Variants in AADAT observed in about 807,000 individuals in gnomAD.
AADAT encodes the protein aminoadipate aminotransferase.
Under a neutral mutation model 56.2 loss-of-function variants are expected in AADAT, and 25 were observed. The observed-to-expected ratio is 0.44, with a 90% CI of 0.32 to 0.62. AADAT has a LOEUF of 0.62. AADAT is among the 20% of genes least tolerant of loss of function. The pLI, the probability that AADAT is intolerant of heterozygous loss-of-function variation, is 0.04. For missense variants in AADAT, 387 were observed against 510.5 expected, an observed-to-expected ratio of 0.76 and a Z score of 2.33; for synonymous variants, 173 against 164.7, an observed-to-expected ratio of 1.05 and a Z score of -0.39.
chr4:170,061,304 A>G (rs886575308), intron 12 of AADAT, among the ~76,000 whole-genome samples: 4 of 152,208 alleles, frequency 2.6e-5, no homozygotes, highest in African/African-American at 9.7e-5. Context: ...CAACTCCACT[A>G]ATACATTAAA....
intron 8 of AADAT, among the ~76,000 whole-genome samples, chr4:170,067,680 C>T (rs1006320107): frequency 6.6e-6 from 1 of 152,068 alleles, no homozygotes; most frequent in Non-Finnish European, 1.5e-5. Context: ...TAATGAGGCA[C>T]AAGGGTTAAG....
At chr4:170,072,527 G>C (rs1731825987) in intron 5 of AADAT, among the ~76,000 whole-genome samples, 1 of 152,144 alleles carries the variant, frequency 6.6e-6, no homozygotes, top group African/African-American at 2.4e-5. Flanking sequence ...AAATTCTATA[G>C]AGTTTAACAT....
At chr4:170,092,156 G>C (rs894585887), upstream of AADAT, among the ~76,000 whole-genome samples, 1 of 152,246 alleles carries the variant, frequency 6.6e-6, no homozygotes, top group Admixed American at 6.5e-5. Flanking sequence ...GGCTGCCTCA[G>C]CCACCAGCGG....
At chr4:170,091,854 A>C (rs756066291), upstream of AADAT, among the ~76,000 whole-genome samples, 12 of 152,244 alleles carry the variant, frequency 7.9e-5, no homozygotes, top group Non-Finnish European at 1.6e-4. Flanking sequence ...TGTCTAGCTA[A>C]GGGATTGTGA....
At chr4:170,089,986 C>T, upstream of AADAT, 1 of 197,998 alleles carries the variant, frequency 5.1e-6, no homozygotes. Flanking sequence ...CCGGTTTTGC[C>T]CCGCCGCGGG....
At chr4:170,067,890 C>A (rs976166083) in intron 8 of AADAT, among the ~76,000 whole-genome samples, 2 of 152,142 alleles carry the variant, frequency 1.3e-5, no homozygotes, top group Admixed American at 6.5e-5. Flanking sequence ...GTAATCCCAG[C>A]ACTTTGGGAG....
chr4:170,069,355 T>A, intron 6 of AADAT, 125 bp from the exon 7 acceptor site: 1 of 666,702 alleles, frequency 1.5e-6, no homozygotes, highest in Non-Finnish European at 2.5e-6. Flanking sequence ...TTCTCTTACC[T>A]TTATTTCAAC....
intron 3 of AADAT, 67 bp downstream of exon 3, chr4:170,087,049 G>A: frequency 1.3e-6 from 2 of 1,571,350 alleles, no homozygotes; most frequent in Admixed American, 1.8e-5. Flanking sequence ...GTGGTTAAGT[G>A]CGAGAGGACT....
upstream of AADAT, among the ~76,000 whole-genome samples, chr4:170,092,040 C>T (rs910342584): frequency 6.6e-6 from 1 of 152,190 alleles, no homozygotes; most frequent in Admixed American, 6.5e-5. Flanking sequence ...CCAATCAGCA[C>T]CCTGTCAAAA....
chr4:170,090,968 T>G (rs539578956), upstream of AADAT, among the ~76,000 whole-genome samples: 316 of 152,364 alleles, frequency 2.1e-3, 1 homozygote, highest in African/African-American at 5.7e-3. Flanking sequence ...GCCACTGCTT[T>G]TATCTAGGTC....
intron 10 of AADAT, 64 bp downstream of exon 10, chr4:170,066,350 T>C (rs1561011810): frequency 7.5e-7 from 1 of 1,334,286 alleles, no homozygotes; most frequent in East Asian, 2.3e-5. Context: ...TAATATTCAG[T>C]GTTTATCCCC....
Position 170,070,614 on chromosome 4 carries a change from A to T in AADAT, c.693T>A (p.Asp231Glu). Residue 231 changes from aspartate to glutamate, a missense_variant, in exon 6 of 13, where the codon GAT becomes GAA. By Grantham distance (45) the Asp-to-Glu change is conservative. Coordinates refer to ENST00000337664, the MANE Select transcript of AADAT (RefSeq NM_016228.4). ...TGTTAAACTGGAGAAAATAGTAAGG[A>T]TCATCTTCTATTATGAGGAAATCAT... ...RKYDFLIIED[D>E]PYYFLQFNKF... The T allele has an allele frequency of 6.3e-7, 1 of 1,582,206 alleles. No homozygotes were observed. The highest frequency in any genetic ancestry group is 8.6e-7 in the Non-Finnish European group (1 of 1,156,128).
chr4:170,072,415 G>A (rs1335166858), intron 5 of AADAT, among the ~76,000 whole-genome samples: 6 of 152,032 alleles, frequency 3.9e-5, no homozygotes, highest in East Asian at 3.8e-4. Context: ...GATTACAGGC[G>A]TGAGCCACTG....
intron 4 of AADAT, among the ~76,000 whole-genome samples, chr4:170,075,923 T>A (rs114192523): frequency 0.013 from 2,032 of 152,346 alleles, 13 homozygotes; most frequent in Middle Eastern, 0.034. Flanking sequence ...ATCAGATCTG[T>A]GTTCCTTCTT....
At chr4:170,089,566 T>C (rs774030716) in intron 1 of AADAT, 58 bp downstream of exon 1, 2 of 1,604,568 alleles carry the variant, frequency 1.2e-6, no homozygotes, top group Admixed American at 3.3e-5. Flanking sequence ...GAACCCTCCT[T>C]AGAGGCTGTG....
At chr4:170,092,505 A>C (rs139881439), upstream of AADAT, among the ~76,000 whole-genome samples, 1 of 152,294 alleles carries the variant, frequency 6.6e-6, no homozygotes, top group African/African-American at 2.4e-5. Flanking sequence ...GACTTTAAGA[A>C]CTGTTAACAC....
intron 1 of AADAT, chr4:170,089,343 G>GC: frequency 1.7e-6 from 1 of 575,246 alleles, no homozygotes; most frequent in Non-Finnish European, 3.1e-6. Context: ...TTGATAGCAC[G>GC]CCCCCTCCCT....
At chr4:170,071,997 G>A (rs939013560) in intron 5 of AADAT, among the ~76,000 whole-genome samples, 9 of 152,128 alleles carry the variant, frequency 5.9e-5, no homozygotes, top group Admixed American at 5.2e-4. Flanking sequence ...TGTTAAGTGT[G>A]AAATGATTTT....
chr4:170,062,584 AC>A (rs1188192146), intron 11 of AADAT, among the ~76,000 whole-genome samples: 1 of 152,202 alleles, frequency 6.6e-6, no homozygotes, highest in Non-Finnish European at 1.5e-5. Context: ...GGTGGTCGGA[AC>A]AGCTGCTGTT....
Sources: gnomAD v4.1 joint callset for allele counts (sites outside exome capture counted in the v4.1 genomes callset) on GRCh38, gnomAD v4.1.1 for gene constraint, MANE v1.5 for transcripts, NCBI Gene and HGNC (gene_info 2026-07-23, HGNC 2026-07-21) for gene names.